CAMK4: variants seen among roughly 807,000 people sequenced by gnomAD.
CAMK4 encodes the protein calcium/calmodulin-dependent protein kinase type IV.
Under a neutral mutation model 44.9 loss-of-function variants are expected in CAMK4, and 22 were observed. The observed-to-expected ratio is 0.49, with a 90% CI of 0.35 to 0.70. The LOEUF is 0.70. CAMK4 is among the 30% of genes least tolerant of loss of function. CAMK4 has a pLI of 0.01. For missense variants in CAMK4, 498 were observed against 586.8 expected (o/e 0.85, Z 1.56); for synonymous variants, 218 against 215.4 (o/e 1.01, Z -0.11).
In CAMK4 at chr5:111,486,705, T is replaced by A. The variant is rs1755643667; in HGVS notation, c.*2239T>A. ...CTAGAGTAGGGCGGACTGCATTGTT[T>A]GGCCCTGAGAACTATAGAAACAACG... On this transcript the variant is annotated 3_prime_UTR_variant, in exon 11 of 11. Transcript: ENST00000282356. 6.6e-6 allele frequency: 1 copy of A among 152,146 alleles called. No homozygotes were observed. Among genetic ancestry groups the A allele is most frequent in the Non-Finnish European group, 1.5e-5 (1 of 68,010 alleles). 9.4% of individuals were successfully genotyped at this position (152,146 alleles called of 1,614,324 possible).
intron 1 of CAMK4, among the ~76,000 whole-genome samples, chr5:111,271,024 T>C (rs1214951677): frequency 6.6e-6 from 1 of 152,094 alleles, no homozygotes; most frequent in Non-Finnish European, 1.5e-5. Context: ...CAGACACTCA[T>C]AAAACCATCA....
chr5:111,420,348 A>C (rs1234904131), intron 5 of CAMK4, among the ~76,000 whole-genome samples: 1 of 152,026 alleles, frequency 6.6e-6, no homozygotes, highest in Non-Finnish European at 1.5e-5. Flanking sequence ...GGGTGAGACA[A>C]TGGGGTTTTC....
At chr5:111,270,673 T>A (rs936447842) in intron 1 of CAMK4, among the ~76,000 whole-genome samples, 1 of 152,202 alleles carries the variant, frequency 6.6e-6, no homozygotes, top group Non-Finnish European at 1.5e-5. Context: ...TTCCATACTC[T>A]ATTGAAAGTA....
intron 2 of CAMK4, among the ~76,000 whole-genome samples, chr5:111,371,533 C>T (rs887979585): frequency 2.6e-5 from 4 of 152,142 alleles, no homozygotes; most frequent in African/African-American, 7.2e-5. Flanking sequence ...TTGTTTTTTC[C>T]TGTGACCCAA....
rs573032958 is a variant in CAMK4, at chr5:111,413,644, C to A, written c.459+18862C>A. ...TTGTAAAACTGAATGCAGTTGTCAA[C>A]GAATTTTGAAATAGAAAACATGTAA... On this transcript the variant is annotated intron_variant, in intron 5 of 10. Coordinates refer to ENST00000282356, the MANE Select transcript of CAMK4 (RefSeq NM_001744.6). Among the ~76,000 whole-genome samples, 3 of 150,514 alleles carry A rather than the reference C, an allele frequency of 2.0e-5. No homozygotes were observed. The East Asian group carries it at 5.8e-4, about 29-fold the overall frequency.
chr5:111,354,820 C>G (rs1372983023), intron 2 of CAMK4, among the ~76,000 whole-genome samples: 21 of 129,798 alleles, frequency 1.6e-4, no homozygotes, highest in Non-Finnish European at 2.3e-4. Flanking sequence ...GGGAGATCCT[C>G]TACACTTTGC....
At chr5:111,416,544 G>A (rs1350660292) in intron 5 of CAMK4, 1 of 152,192 alleles carries the variant, frequency 6.6e-6, no homozygotes, top group African/African-American at 2.4e-5. Flanking sequence ...ACCTCAAGAT[G>A]TTGGATATAC....
intron 5 of CAMK4, among the ~76,000 whole-genome samples, chr5:111,444,015 C>T (rs1386769837): frequency 6.6e-6 from 1 of 152,168 alleles, no homozygotes; most frequent in Admixed American, 6.5e-5. Context: ...CTCTGTCATT[C>T]TCTCATTTCT....
At chr5:111,272,093 CTGTGTGTGTGTGTTTGTGTGTGTGTT>C (rs1561376693) in intron 1 of CAMK4, among the ~76,000 whole-genome samples, 1 of 151,118 alleles carries the variant, frequency 6.6e-6, no homozygotes, top group East Asian at 1.9e-4. Flanking sequence ...AGACAGCCCT[CTGTGTGTGTGTGTTTGTGTGTGTGTT>C]TGTGTGTGTG....
rs549179443 is a variant in CAMK4, at chr5:111,433,621, A to G, written c.460-13065A>G. 1.2e-4 allele frequency among the ~76,000 whole-genome samples: 19 copies of G among 152,326 alleles called. No individual in the cohort carries two copies. The South Asian group carries it at 2.7e-3, about 22-fold the overall frequency. On this transcript the variant is annotated intron_variant, in intron 5 of 10. Coordinates refer to ENST00000282356, the MANE Select transcript of CAMK4 (RefSeq NM_001744.6). Reference sequence around the variant, plus strand: ...CTCCACCTCTGGATGGGGAAGTGGTAAGATTCTGGAGGAGCATGTGGGATG... The same window carrying G: ...CTCCACCTCTGGATGGGGAAGTGGTGAGATTCTGGAGGAGCATGTGGGATG...
At chr5:111,436,704 A>T (rs1753658482) in intron 5 of CAMK4, among the ~76,000 whole-genome samples, 1 of 152,206 alleles carries the variant, frequency 6.6e-6, no homozygotes, top group African/African-American at 2.4e-5. Context: ...GTATTATTAC[A>T]GCTAGGTACA....
At chr5:111,332,681 G>A (rs573337057) in intron 1 of CAMK4, among the ~76,000 whole-genome samples, 2 of 151,650 alleles carry the variant, frequency 1.3e-5, no homozygotes, top group East Asian at 3.9e-4. Flanking sequence ...GCATAAAGAT[G>A]CAGGGTGAGA....
At chr5:111,388,480 C>T (rs897605155) in intron 4 of CAMK4, among the ~76,000 whole-genome samples, 2 of 152,150 alleles carry the variant, frequency 1.3e-5, no homozygotes, top group Non-Finnish European at 2.9e-5. Flanking sequence ...ATCCCGACCC[C>T]CAACTGCCAC....
chr5:111,323,743 C>T (rs1748758837), intron 1 of CAMK4, among the ~76,000 whole-genome samples: 2 of 151,838 alleles, frequency 1.3e-5, no homozygotes, highest in Non-Finnish European at 2.9e-5. Flanking sequence ...ACACATAAAC[C>T]ACAAGTAATG....
At chr5:111,284,357 T>C (rs1389619595) in intron 1 of CAMK4, among the ~76,000 whole-genome samples, 1 of 152,200 alleles carries the variant, frequency 6.6e-6, no homozygotes, top group Non-Finnish European at 1.5e-5. Context: ...TTGGGTAATA[T>C]GAGAAACATA....
chr5:111,445,273 A>G (rs1242522755), intron 5 of CAMK4, among the ~76,000 whole-genome samples: 1 of 152,240 alleles, frequency 6.6e-6, no homozygotes. Flanking sequence ...CTAAACTGAT[A>G]CGAAGGTAAG....
intron 2 of CAMK4, among the ~76,000 whole-genome samples, chr5:111,371,460 T>C (rs906472695): frequency 1.3e-5 from 2 of 152,188 alleles, no homozygotes; most frequent in African/African-American, 4.8e-5. Flanking sequence ...GATAACATTA[T>C]GTAGATGAGT....
intron 4 of CAMK4, among the ~76,000 whole-genome samples, chr5:111,388,765 TTA>T: frequency 6.6e-6 from 1 of 152,346 alleles, no homozygotes; most frequent in Middle Eastern, 3.4e-3. Context: ...TCCGTAATAT[TTA>T]TTGAATAAAT....
intron 9 of CAMK4, among the ~76,000 whole-genome samples, chr5:111,480,129 C>T (rs1181099632): frequency 2.6e-5 from 4 of 152,058 alleles, no homozygotes; most frequent in Non-Finnish European, 5.9e-5. Flanking sequence ...TCACTTTTCA[C>T]TCTAGTGCAC....
Sources: gnomAD v4.1 joint callset for allele counts (sites outside exome capture counted in the v4.1 genomes callset) on GRCh38, gnomAD v4.1.1 for gene constraint, MANE v1.5 for transcripts, NCBI Gene and HGNC (gene_info 2026-07-23, HGNC 2026-07-21) for gene names.